Variants in NBEAL1 observed in about 807,000 individuals in gnomAD.
NBEAL1 encodes neurobeachin-like protein 1.
In NBEAL1, 273 loss-of-function variants were observed where a neutral mutation model predicts 351.3. That is an observed-to-expected ratio of 0.78 (90% CI 0.70 to 0.86). The LOEUF (loss-of-function observed/expected upper bound fraction) is 0.86. Ranked by LOEUF, NBEAL1 falls within the 40% of genes least tolerant of loss-of-function variation. NBEAL1 has a pLI of 0.00. For missense variants in NBEAL1, 2,961 were observed against 3,201.3 expected, an observed-to-expected ratio of 0.92 and a Z score of 1.81; for synonymous variants, 1,050 against 1,086.4, an observed-to-expected ratio of 0.97 and a Z score of 0.66.
At chr2:203,177,731 T>C (rs756770869) in intron 42 of NBEAL1, among the ~76,000 whole-genome samples, 1 of 152,004 alleles carries the variant, frequency 6.6e-6, no homozygotes, top group Non-Finnish European at 1.5e-5. Flanking sequence ...AAGTTAAATA[T>C]AGAGGGGCTG....
chr2:203,070,187 G>T (rs920812205), intron 7 of NBEAL1, among the ~76,000 whole-genome samples: 1 of 151,758 alleles, frequency 6.6e-6, no homozygotes, highest in Non-Finnish European at 1.5e-5. Context: ...TTACTGAATG[G>T]ACATTGACTT....
chr2:203,213,748 T>C (rs2065851527), intron 55 of NBEAL1, 95 bp downstream of exon 55: 1 of 1,547,686 alleles, frequency 6.5e-7, no homozygotes, highest in South Asian at 1.2e-5. Flanking sequence ...CCATTAGGGA[T>C]AAACAAATTA....
intron 4 of NBEAL1, among the ~76,000 whole-genome samples, chr2:203,051,637 C>A (rs1030642393): frequency 6.6e-6 from 1 of 151,736 alleles, no homozygotes; most frequent in Non-Finnish European, 1.5e-5. Flanking sequence ...CTGCTAGCTA[C>A]CTACTACAAT....
chr2:203,080,389 G>A lies in NBEAL1; in HGVS notation c.684+2552G>A, dbSNP rs527725615. On this transcript the variant is annotated intron_variant, in intron 8 of 55. Transcript: ENST00000683969. ...ATCGCACCACTGCACTCCAGCCTGGGCAACAGAGCGAGACTTCATCTCAAA... is the reference window on the plus strand; with the variant it reads ...ATCGCACCACTGCACTCCAGCCTGGACAACAGAGCGAGACTTCATCTCAAA... Among the ~76,000 whole-genome samples the A allele has an allele frequency of 1.3e-4, 20 of 152,238 alleles. 1 individual carries two copies. The South Asian group carries it at 4.1e-3, about 32-fold the overall frequency.
At chr2:203,180,538 G>T in intron 43 of NBEAL1, 26 bp downstream of exon 43, 1 of 1,585,044 alleles carries the variant, frequency 6.3e-7, no homozygotes. Flanking sequence ...TTAAAAATTT[G>T]ACTAGCAGGT....
intron 18 of NBEAL1, 40 bp from the exon 19 acceptor site, chr2:203,122,214 T>C (rs2062848264): frequency 8.7e-7 from 1 of 1,153,006 alleles, no homozygotes; most frequent in African/African-American, 1.6e-5. Context: ...TTATGTTTTG[T>C]TCTAATTGGT....
Position 203,109,583 on chromosome 2 carries a change from G to A in NBEAL1, c.1950-567G>A, listed in dbSNP as rs1383031413. Among the ~76,000 whole-genome samples the A allele has an allele frequency of 4.0e-5, 6 of 151,742 alleles. No homozygotes were observed. The South Asian group carries it at 1.0e-3, about 26-fold the overall frequency. ...CGCCCAGGCTGGAGTGCAGTGGCAC[G>A]ATCTCAGCCGACTGCAACCTCCACC... On this transcript the variant is annotated intron_variant, in intron 14 of 55. Coordinates refer to ENST00000683969, the MANE Select transcript of NBEAL1 (RefSeq NM_001378026.1).
rs568422885 is a variant in NBEAL1, at chr2:203,102,118, G to T, written c.1269+2406G>T. On this transcript the variant is annotated intron_variant, in intron 12 of 55. Coordinates refer to ENST00000683969, the MANE Select transcript of NBEAL1 (RefSeq NM_001378026.1). ...TGATTTGGCTCTTAGCTTGGATATT[G>T]TTGGTGTATAGGAATGCTGCTGATT... Among the ~76,000 whole-genome samples the T allele has an allele frequency of 8.9e-4, 135 of 152,292 alleles. 2 individuals carry two copies. The South Asian group carries it at 0.027, about 31-fold the overall frequency.
intron 44 of NBEAL1, among the ~76,000 whole-genome samples, chr2:203,187,989 C>G (rs1408140239): frequency 6.6e-6 from 1 of 152,164 alleles, no homozygotes; most frequent in Non-Finnish European, 1.5e-5. Context: ...GAGGTCTCTA[C>G]CTGCCACCCT....
chr2:203,145,681 C>T (rs201337784), intron 33 of NBEAL1, among the ~76,000 whole-genome samples: 2 of 151,224 alleles, frequency 1.3e-5, no homozygotes, highest in East Asian at 3.9e-4. Flanking sequence ...GCCTGTAATC[C>T]CAGCTACTAA....
Position 203,188,489 on chromosome 2 carries a change from A to T in NBEAL1, c.6723A>T (p.Ser2241=). ...TTTTCTAGGAGTCTGAATATGTTTC[A>T]GCTCATCTTCATGAATGGATAGATC... ...HRKALESEYV[S]AHLHEWIDLI... is the part of the protein sequence containing the mutation. The change falls in exon 45 of 56, where the codon TCA becomes TCT. Residue 2241 remains serine (S), a synonymous_variant. Coordinates refer to ENST00000683969, the MANE Select transcript of NBEAL1 (RefSeq NM_001378026.1). 6.3e-7 allele frequency: 1 copy of T among 1,575,186 alleles called. No individual in the cohort carries two copies. The highest frequency in any genetic ancestry group is 8.6e-7 in the Non-Finnish European group (1 of 1,161,544).
intron 2 of NBEAL1, among the ~76,000 whole-genome samples, chr2:203,024,551 CAA>C (rs59398616): frequency 3.0e-5 from 4 of 131,718 alleles, no homozygotes; most frequent in Non-Finnish European, 1.6e-5. Flanking sequence ...GACTCTGTCT[CAA>C]AAAAAAAAAA....
rs1165716280 is a variant in NBEAL1, at chr2:203,040,091, C to T, written c.52-1674C>T. On this transcript the variant is annotated intron_variant, in intron 2 of 55. Transcript: ENST00000683969. ...TGGGGTGGGGTTGTGCATGATCAGTCCTTCAACACTAGAAAGATGGCAGAG... is the reference window on the plus strand; with the variant it reads ...TGGGGTGGGGTTGTGCATGATCAGTTCTTCAACACTAGAAAGATGGCAGAG... 6 of 835,376 alleles carry T rather than the reference C, an allele frequency of 7.2e-6. No homozygotes were observed. The East Asian group carries it at 1.2e-4, about 17-fold the overall frequency. The allele number at this position is 835,376 out of a possible 1,614,324, so 51.7% of individuals were successfully genotyped here.
At chr2:203,079,609 A>G (rs193093667) in intron 8 of NBEAL1, among the ~76,000 whole-genome samples, 34 of 152,216 alleles carry the variant, frequency 2.2e-4, no homozygotes, top group African/African-American at 7.7e-4. Flanking sequence ...CACATTAAAC[A>G]TTCTCTTACT....
At chr2:203,188,434 T>G in intron 44 of NBEAL1, 38 bp from the exon 45 acceptor site, 8 of 1,071,698 alleles carry the variant, frequency 7.5e-6, no homozygotes, top group Non-Finnish European at 1.0e-5. Context: ...AGTTGGAAGA[T>G]ATCTCTATAT....
At chr2:203,187,120 A>G (rs929772127) in intron 44 of NBEAL1, among the ~76,000 whole-genome samples, 13 of 152,192 alleles carry the variant, frequency 8.5e-5, no homozygotes, top group Non-Finnish European at 1.8e-4. Flanking sequence ...GCTGGAGTGC[A>G]GTGACATTAT....
chr2:203,198,833 G>A (rs1337581975), intron 48 of NBEAL1, among the ~76,000 whole-genome samples: 1 of 151,204 alleles, frequency 6.6e-6, no homozygotes, highest in African/African-American at 2.4e-5. Flanking sequence ...CTCCAGCCTG[G>A]GTGACAGAGC....
intron 2 of NBEAL1, among the ~76,000 whole-genome samples, chr2:203,032,993 A>T (rs2060975754): frequency 6.7e-6 from 1 of 149,278 alleles, no homozygotes; most frequent in East Asian, 2.0e-4. Flanking sequence ...TTTTATTATT[A>T]TTTTTTTAAT....
intron 36 of NBEAL1, among the ~76,000 whole-genome samples, chr2:203,164,995 G>A (rs2064090398): frequency 6.6e-6 from 1 of 151,882 alleles, no homozygotes; most frequent in African/African-American, 2.4e-5. Context: ...CCAAGTAGCT[G>A]GGATTACAGG....
Sources: gnomAD v4.1 joint callset for allele counts (sites outside exome capture counted in the v4.1 genomes callset) on GRCh38, gnomAD v4.1.1 for gene constraint, MANE v1.5 for transcripts, NCBI Gene and HGNC (gene_info 2026-07-23, HGNC 2026-07-21) for gene names.